The following ERMP1 variants were observed in gnomAD, a reference collection of about 807,000 sequenced individuals.
The protein encoded by ERMP1 is Felix-ina.
In ERMP1, 86 loss-of-function variants were observed where a neutral mutation model predicts 92.0. That is an observed-to-expected ratio of 0.93 (90% CI 0.79 to 1.12). ERMP1 has a LOEUF of 1.12. Ranked by LOEUF, ERMP1 falls within the 50% of genes most tolerant of loss-of-function variation. The pLI is 0.00. For missense variants in ERMP1, 1,342 were observed against 1,116.3 expected (o/e 1.20, Z -2.88); for synonymous variants, 530 against 412.8 (o/e 1.28, Z -3.44).
In ERMP1 at chr9:5,812,165, G is replaced by A. The variant is rs1354044449; in HGVS notation, c.1074C>T (p.Asp358=). The A allele has an allele frequency of 2.5e-6, 4 of 1,611,002 alleles. No individual in the cohort carries two copies. The Admixed American group carries it at 6.7e-5, about 27-fold the overall frequency. ...AATCTGTTAGAATTCTGTCCGCTGT[G>A]TCATACTTGGTGTGATAAATGTATC... is the stretch of plus-strand genomic sequence containing the variant. ...ENGYIYHTKY[D]TADRILTDSI... is the part of the protein sequence containing the mutation. Residue 358 remains aspartate (D), a synonymous_variant, in exon 6 of 15, where the codon GAC becomes GAT. Coordinates refer to ENST00000339450, the MANE Select transcript of ERMP1 (RefSeq NM_024896.3).
At chr9:5,809,874 A>G in intron 8 of ERMP1, 137 bp downstream of exon 8, 1 of 612,154 alleles carries the variant, frequency 1.6e-6, no homozygotes, top group South Asian at 2.0e-5. Context: ...AAATTAACAC[A>G]GTGTAGGTGC....
intron 4 of ERMP1, among the ~76,000 whole-genome samples, chr9:5,817,088 T>C (rs542567190): frequency 1.4e-3 from 214 of 150,394 alleles, no homozygotes; most frequent in African/African-American, 4.9e-3. Context: ...TTAGTAGAGA[T>C]GGGGTTTCAC....
At chr9:5,858,320 GAGGGAC>G (rs1830407821) in intron 6 of ERMP1, among the ~76,000 whole-genome samples, 1 of 152,208 alleles carries the variant, frequency 6.6e-6, no homozygotes, top group Non-Finnish European at 1.5e-5. Flanking sequence ...GTTCCAAAGA[GAGGGAC>G]AGGTTAAAGC....
At position 5,832,896 on chromosome 9, in the gene ERMP1, G is replaced by A; in HGVS notation, c.132C>T (p.Ser44=). ...TCCTCTTCCGCGTCCTCCCGCCGCC[G>A]CTGCACCCATCCACCAGAGGCTCCT... is the stretch of plus-strand genomic sequence containing the variant. ...RAQEPLVDGC[S]GGGRTRKRSP... is the part of the protein sequence containing the mutation. The change falls in exon 1 of 15, where the codon AGC becomes AGT. Residue 44 remains serine (S), a synonymous_variant. Coordinates refer to ENST00000339450, the MANE Select transcript of ERMP1 (RefSeq NM_024896.3). The A allele has an allele frequency of 6.4e-7, 1 of 1,554,000 alleles. No homozygotes were observed. Among genetic ancestry groups the A allele is most frequent in the Non-Finnish European group, 8.6e-7 (1 of 1,160,558 alleles).
chr9:5,789,672 T>C (rs1435871927), intron 13 of ERMP1, among the ~76,000 whole-genome samples: 1 of 152,034 alleles, frequency 6.6e-6, no homozygotes, highest in Non-Finnish European at 1.5e-5. Flanking sequence ...CACTGCTCTG[T>C]CACCTAGGGT....
chr9:5,817,927 A>T (rs941487901), intron 4 of ERMP1, among the ~76,000 whole-genome samples: 1 of 152,234 alleles, frequency 6.6e-6, no homozygotes, highest in Non-Finnish European at 1.5e-5. Context: ...AAGTAACATG[A>T]GGCCTGAAAA....
At chr9:5,799,421 T>A (rs1031031144) in intron 11 of ERMP1, among the ~76,000 whole-genome samples, 3 of 152,144 alleles carry the variant, frequency 2.0e-5, no homozygotes, top group Admixed American at 6.5e-5. Flanking sequence ...CACCACTAGA[T>A]GACAGCCTTG....
At chr9:5,823,038 A>T (rs1829599812) in intron 4 of ERMP1, among the ~76,000 whole-genome samples, 1 of 152,160 alleles carries the variant, frequency 6.6e-6, no homozygotes, top group Non-Finnish European at 1.5e-5. Context: ...TAATCCCAGC[A>T]CTTTGGGAGG....
At chr9:5,850,984 T>A (rs1319147867) in intron 6 of ERMP1, among the ~76,000 whole-genome samples, 2 of 152,188 alleles carry the variant, frequency 1.3e-5, no homozygotes, top group African/African-American at 4.8e-5. Flanking sequence ...CAATCCCCCA[T>A]CCAGGAACTG....
intron 6 of ERMP1, among the ~76,000 whole-genome samples, chr9:5,856,717 G>A (rs1830377968): frequency 6.6e-6 from 1 of 152,176 alleles, no homozygotes; most frequent in African/African-American, 2.4e-5. Context: ...CAGGTCTGGC[G>A]AGTCTCTGGT....
chr9:5,833,290 G>C (rs1054279900), upstream of ERMP1, among the ~76,000 whole-genome samples: 7 of 152,232 alleles, frequency 4.6e-5, no homozygotes, highest in African/African-American at 1.4e-4. Context: ...CTGTAGGACG[G>C]AGATTGCCAA....
At chr9:5,823,029 A>G (rs1014555550) in intron 4 of ERMP1, among the ~76,000 whole-genome samples, 1 of 152,198 alleles carries the variant, frequency 6.6e-6, no homozygotes, top group East Asian at 1.9e-4. Flanking sequence ...TCATGCTTGT[A>G]ATCCCAGCAC....
intron 13 of ERMP1, among the ~76,000 whole-genome samples, chr9:5,790,479 T>C (rs1486137098): frequency 2.0e-5 from 3 of 152,070 alleles, no homozygotes; most frequent in Non-Finnish European, 4.4e-5. Flanking sequence ...ACTTACCCAC[T>C]AAAAGAAAAA....
chr9:5,786,930 G>C lies in ERMP1; in HGVS notation c.*214C>G. On this transcript the variant is annotated 3_prime_UTR_variant, in exon 15 of 15. Transcript: ENST00000339450. ...ACCCACATGTGCTGAAGTGCCAAAA[G>C]ACTGGCATTTTCAAGTGTCAACAGG... 2 of 437,994 alleles carry C rather than the reference G, an allele frequency of 4.6e-6. No individual in the cohort carries two copies. The highest frequency in any genetic ancestry group is 8.1e-6 in the Non-Finnish European group (2 of 246,356). The allele number at this position is 437,994 out of a possible 1,614,324, so 27.1% of individuals were successfully genotyped here.
At chr9:5,804,924 T>G in intron 10 of ERMP1, 103 bp downstream of exon 10, 2 of 853,284 alleles carry the variant, frequency 2.3e-6, no homozygotes, top group Non-Finnish European at 3.6e-6. Flanking sequence ...GCTTCAGATT[T>G]TCTCAATAAA....
intron 5 of ERMP1, among the ~76,000 whole-genome samples, chr9:5,861,051 T>G (rs1428356235): frequency 6.6e-6 from 1 of 152,128 alleles, no homozygotes; most frequent in African/African-American, 2.4e-5. Flanking sequence ...TTTCCCAGTC[T>G]GTGGTATTCT....
At chr9:5,832,607 G>A (rs1563774565) in intron 1 of ERMP1, 83 bp downstream of exon 1, 15 of 1,124,260 alleles carry the variant, frequency 1.3e-5, no homozygotes, top group Admixed American at 4.1e-5. Context: ...GCAGGGGCGG[G>A]TGCACACAGG....
chr9:5,808,776 CCCCTAGGCTGGAGTGCAGTGGTACAA>C (rs1828967883), intron 8 of ERMP1, among the ~76,000 whole-genome samples: 1 of 152,114 alleles, frequency 6.6e-6, no homozygotes, highest in African/African-American at 2.4e-5. Flanking sequence ...CTCACTCTGT[CCCCTAGGCTGGAGTGCAGTGGTACAA>C]TCACAGCTCA....
intron 4 of ERMP1, among the ~76,000 whole-genome samples, chr9:5,822,986 C>T (rs904604482): frequency 6.6e-6 from 1 of 152,092 alleles, no homozygotes; most frequent in Non-Finnish European, 1.5e-5. Flanking sequence ...AATCATAAAA[C>T]TAAAACTATT....
Sources: gnomAD v4.1 joint callset for allele counts (sites outside exome capture counted in the v4.1 genomes callset) on GRCh38, gnomAD v4.1.1 for gene constraint, MANE v1.5 for transcripts, NCBI Gene and HGNC (gene_info 2026-07-23, HGNC 2026-07-21) for gene names.